AS3MT: variants seen among roughly 807,000 people sequenced by gnomAD.
The protein encoded by AS3MT is arsenite methyltransferase.
AS3MT carries 47 observed loss-of-function variants against 45.3 expected under a neutral mutation model. The observed-to-expected ratio is 1.04, with a 90% confidence interval of 0.82 to 1.32. AS3MT has a LOEUF of 1.32. Ranked by LOEUF, AS3MT falls within the 40% of genes most tolerant of loss-of-function variation. AS3MT has a pLI of 0.00. For missense variants in AS3MT, 396 were observed against 451.1 expected, an observed-to-expected ratio of 0.88 and a Z score of 1.11; for synonymous variants, 141 against 152.8, an observed-to-expected ratio of 0.92 and a Z score of 0.57.
At chr10:102,878,581 T>C in intron 8 of AS3MT, 71 bp downstream of exon 8, 1 of 1,568,036 alleles carries the variant, frequency 6.4e-7, no homozygotes, top group South Asian at 1.1e-5. Flanking sequence ...GATTAGTAAG[T>C]AACTTCTGAA....
chr10:102,881,809 C>G lies in AS3MT; in HGVS notation c.885+2818C>G, dbSNP rs1844870086. Among the ~76,000 whole-genome samples the G allele has an allele frequency of 6.6e-6, 1 of 152,138 alleles. No homozygotes were observed. Among genetic ancestry groups the G allele is most frequent in the South Asian group, 2.1e-4 (1 of 4,822 alleles). On this transcript the variant is annotated intron_variant, in intron 9 of 10. Transcript: ENST00000369880. The surrounding 1 kb of genome is among the most constrained non-coding windows in gnomAD (Gnocchi z 4.2). ...GGAGTGTAGTGGCACAGTCATAGCT[C>G]ACTGTAACCTCAAACTCCTGGGCTC...
intron 7 of AS3MT, among the ~76,000 whole-genome samples, chr10:102,877,475 CA>C (rs1307047879): frequency 7.2e-6 from 1 of 138,376 alleles, no homozygotes; most frequent in Non-Finnish European, 1.5e-5. Context: ...TCTATGAAAT[CA>C]AAAGTTCTTA....
chr10:102,875,369 C>T (rs760834131), intron 6 of AS3MT, among the ~76,000 whole-genome samples: 1 of 146,564 alleles, frequency 6.8e-6, no homozygotes, highest in Non-Finnish European at 1.5e-5. Context: ...CCCAGCTCCT[C>T]GGGAGGCTGA....
At chr10:102,889,614 G>GCCTGCCTGCCTGCCTTCCTTCCTTCCTT (rs559139049) in intron 9 of AS3MT, among the ~76,000 whole-genome samples, 53 of 114,040 alleles carry the variant, frequency 4.6e-4, no homozygotes, top group South Asian at 1.4e-3. Flanking sequence ...CTGTCTGCCT[G>GCCTGCCTGCCTGCCTTCCTTCCTTCCTT]CCTTCCTTCC....
intron 5 of AS3MT, 71 bp from the exon 6 acceptor site, chr10:102,874,521 G>A (rs1311042645): frequency 8.8e-7 from 1 of 1,137,928 alleles, no homozygotes; most frequent in African/African-American, 1.5e-5. Context: ...ACCACCTTTA[G>A]GGTCTGAAAG....
At chr10:102,888,874 T>C (rs919895699) in intron 9 of AS3MT, among the ~76,000 whole-genome samples, 2 of 82,224 alleles carry the variant, frequency 2.4e-5, no homozygotes, top group Non-Finnish European at 4.9e-5. Context: ...TATATATATA[T>C]ATATATATTT....
At chr10:102,880,948 A>C (rs920394013) in intron 9 of AS3MT, among the ~76,000 whole-genome samples, 3 of 152,240 alleles carry the variant, frequency 2.0e-5, no homozygotes, top group Non-Finnish European at 4.4e-5. Context: ...AGTTCCTTAA[A>C]ATCCCAGAGT....
At chr10:102,888,533 T>G (rs1295859775) in intron 9 of AS3MT, among the ~76,000 whole-genome samples, 3 of 151,988 alleles carry the variant, frequency 2.0e-5, no homozygotes, top group Non-Finnish European at 2.9e-5. Flanking sequence ...GCAATTCTCC[T>G]GCCTCAGCCT....
rs1224365700 is a variant in AS3MT at position 102,881,936 on chromosome 10, GTTT to G, written c.885+2957_885+2959del. On this transcript the variant is annotated intron_variant, in intron 9 of 10. Transcript: ENST00000369880. The surrounding 1 kb of genome is among the most constrained non-coding windows in gnomAD (Gnocchi z 4.2). Reference sequence around the variant, plus strand: ...TTTTATTTTTTTGTTGGTGAGACAGGTTTTTTTTTTTTTTCTTTTTTGAGACCA... The same window carrying G: ...TTTTATTTTTTTGTTGGTGAGACAGGTTTTTTTTTTTCTTTTTTGAGACCA... 1.4e-5 allele frequency among the ~76,000 whole-genome samples: 2 copies of G among 138,670 alleles called. No individual in the cohort carries two copies. Among genetic ancestry groups the G allele is most frequent in the African/African-American group, 5.2e-5 (2 of 38,116 alleles). 91.0% of individuals were successfully genotyped at this position (138,670 alleles called of 152,430 possible). A position where few individuals can be genotyped will look rare whatever the true frequency, so the allele number is the denominator to read the frequency against.
At chr10:102,877,708 TA>T (rs1283925656) in intron 7 of AS3MT, among the ~76,000 whole-genome samples, 1 of 149,760 alleles carries the variant, frequency 6.7e-6, no homozygotes, top group Non-Finnish European at 1.5e-5. Context: ...CCCTATCTCT[TA>T]AAAAAATTAC....
Position 102,878,495 on chromosome 10 carries a change from C to A in AS3MT, c.727C>A (p.Leu243Met). 1 of 1,613,926 alleles carries A rather than the reference C, an allele frequency of 6.2e-7. No individual in the cohort carries two copies. The highest frequency in any genetic ancestry group is 8.5e-7 in the Non-Finnish European group (1 of 1,179,982). ...ANLITIQNKELERVIGDCRFV... is the reference protein window; with the variant it reads ...ANLITIQNKEMERVIGDCRFV... ...TCTCATTACAATTCAAAACAAGGAA[C>A]TGGAAAGAGTTATCGGTAAGATATG... Residue 243 changes from leucine (L) to methionine (M), a missense_variant, in exon 8 of 11, where the codon CTG (leucine) becomes ATG (methionine). Coordinates refer to ENST00000369880, the MANE Select transcript of AS3MT (RefSeq NM_020682.4).
intron 9 of AS3MT, among the ~76,000 whole-genome samples, chr10:102,882,218 C>T (rs1276138327): frequency 2.6e-5 from 4 of 151,710 alleles, no homozygotes; most frequent in South Asian, 2.1e-4. Flanking sequence ...GGATTACAGG[C>T]GTGAGCCACC....
At chr10:102,883,105 G>GTTT (rs199951226) in intron 9 of AS3MT, among the ~76,000 whole-genome samples, 7,323 of 140,164 alleles carry the variant, frequency 0.052, 240 homozygotes, top group Middle Eastern at 0.14. Context: ...TATATATATG[G>GTTT]TTTTTTTTTT....
intron 10 of AS3MT, among the ~76,000 whole-genome samples, chr10:102,891,818 T>C (rs540214881): frequency 1.6e-4 from 25 of 151,638 alleles, no homozygotes; most frequent in African/African-American, 6.0e-4. Context: ...GGTATGGTGG[T>C]GCATGCTGGT....
chr10:102,885,430 G>C (rs188474170), intron 9 of AS3MT, among the ~76,000 whole-genome samples: 70 of 146,822 alleles, frequency 4.8e-4, no homozygotes, highest in Non-Finnish European at 4.3e-4. Context: ...CCAGGTTCAA[G>C]TAATTCTCCT....
intron 6 of AS3MT, among the ~76,000 whole-genome samples, chr10:102,875,476 CAA>C (rs35877885): frequency 2.3e-4 from 9 of 39,652 alleles, no homozygotes; most frequent in Admixed American, 5.8e-4. Context: ...GACTCCATCT[CAA>C]AAAAAAAAAA....
intron 10 of AS3MT, among the ~76,000 whole-genome samples, chr10:102,899,812 C>T (rs1028922668): frequency 2.0e-5 from 3 of 151,866 alleles, no homozygotes; most frequent in South Asian, 2.1e-4. Flanking sequence ...AGACTACAGA[C>T]GTGCCACCAC....
chr10:102,895,680 G>C (rs992502106), intron 10 of AS3MT, among the ~76,000 whole-genome samples: 2 of 152,020 alleles, frequency 1.3e-5, no homozygotes, highest in Admixed American at 1.3e-4. Flanking sequence ...ACGCCACCAG[G>C]TGATCCACCC....
rs560289759 is a variant in AS3MT at position 102,869,773 on chromosome 10, C to T, written c.2-32C>T. ...CCTCATGCCCGTCCCTCAGCACCCT[C>T]TCCTTTCAACTAACTTTCCCGCTCC... On this transcript the variant is annotated intron_variant, in intron 1 of 10. Coordinates refer to ENST00000369880, the MANE Select transcript of AS3MT (RefSeq NM_020682.4). The T allele has an allele frequency of 3.1e-6, 5 of 1,614,148 alleles. No individual in the cohort carries two copies. The South Asian group carries it at 3.3e-5, about 11-fold the overall frequency.
Sources: allele counts gnomAD v4.1 joint callset (sites outside exome capture counted in the v4.1 genomes callset), GRCh38; gene constraint gnomAD v4.1.1; non-coding constraint Gnocchi (gnomAD v3.1); transcripts MANE v1.5; gene names NCBI Gene and HGNC (gene_info 2026-07-23, HGNC 2026-07-21).